The following CDYL variants were observed in gnomAD, a reference collection of about 807,000 sequenced individuals.
CDYL encodes chromodomain Y-like protein.
Under a neutral mutation model 47.3 loss-of-function variants are expected in CDYL, and 8 were observed. The observed-to-expected ratio is 0.17, with a 90% CI of 0.10 to 0.31. The LOEUF (loss-of-function observed/expected upper bound fraction) is 0.31, where lower values mean the gene tolerates loss of function less well. CDYL is among the 10% of genes least tolerant of loss of function. CDYL has a pLI of 1.00. For missense variants in CDYL, 471 were observed against 701.4 expected (o/e 0.67, Z 3.71); for synonymous variants, 266 against 265.0 (o/e 1.00, Z -0.04).
intron 3 of CDYL, among the ~76,000 whole-genome samples, chr6:4,739,338 C>A (rs560659053): frequency 1.1e-4 from 17 of 151,174 alleles, no homozygotes; most frequent in African/African-American, 4.1e-4. Context: ...GCTAACATGG[C>A]AAAACCCTGT....
At chr6:4,937,529 A>C (rs764081888) in intron 3 of CDYL, 36 bp from the exon 4 acceptor site, 67 of 1,491,620 alleles carry the variant, frequency 4.5e-5, no homozygotes, top group Non-Finnish European at 5.7e-5. Flanking sequence ...TAAACCCAAA[A>C]TATTCTTTGC....
chr6:4,857,381 C>T (rs1007946560), intron 1 of CDYL, among the ~76,000 whole-genome samples: 9 of 152,170 alleles, frequency 5.9e-5, no homozygotes, highest in Non-Finnish European at 1.2e-4. Flanking sequence ...GAGTAAACAT[C>T]GAATTTAAGG....
intron 2 of CDYL, among the ~76,000 whole-genome samples, chr6:4,919,576 A>C (rs2127507684): frequency 6.6e-6 from 1 of 152,310 alleles, no homozygotes; most frequent in East Asian, 1.9e-4. Context: ...CAGCTTTTGG[A>C]GCATTATTCA....
intron 2 of CDYL, among the ~76,000 whole-genome samples, chr6:4,893,389 G>A (rs1207025501): frequency 6.6e-6 from 1 of 152,146 alleles, no homozygotes; most frequent in Non-Finnish European, 1.5e-5. Flanking sequence ...CTTCTGAGTT[G>A]TAGTCTTAAA....
At chr6:4,829,435 G>A (rs1017089023) in intron 1 of CDYL, among the ~76,000 whole-genome samples, 2 of 152,168 alleles carry the variant, frequency 1.3e-5, no homozygotes, top group African/African-American at 4.8e-5. Flanking sequence ...ACTTCTCCTA[G>A]TTTTTGCATT....
At chr6:4,927,428 C>CGTGTGTGTATGT (rs1554108577) in intron 2 of CDYL, among the ~76,000 whole-genome samples, 6 of 142,458 alleles carry the variant, frequency 4.2e-5, no homozygotes, top group Non-Finnish European at 9.1e-5. Context: ...ATTTACTGTA[C>CGTGTGTGTATGT]GTGTGTGTGT....
chr6:4,712,891 G>C (rs547603616), intron 1 of CDYL, among the ~76,000 whole-genome samples: 1 of 152,198 alleles, frequency 6.6e-6, no homozygotes, highest in Non-Finnish European at 1.5e-5. Context: ...CTGTGGATGT[G>C]GCTCACCATT....
intron 2 of CDYL, among the ~76,000 whole-genome samples, chr6:4,725,394 G>A (rs556082874): frequency 3.8e-4 from 58 of 152,342 alleles, no homozygotes; most frequent in Non-Finnish European, 7.4e-4. Context: ...GCGCTCGTGG[G>A]GGAGGCTCCG....
At chr6:4,755,539 T>C (rs1758061899) in intron 3 of CDYL, among the ~76,000 whole-genome samples, 1 of 152,126 alleles carries the variant, frequency 6.6e-6, no homozygotes, top group Admixed American at 6.5e-5. Context: ...GAGTTCCAAC[T>C]TCTTAGATTA....
At chr6:4,779,009 C>T (rs1758542201) in intron 1 of CDYL, among the ~76,000 whole-genome samples, 1 of 152,174 alleles carries the variant, frequency 6.6e-6, no homozygotes, top group Admixed American at 6.5e-5. Flanking sequence ...ATGTAAAGCC[C>T]ACCCTAAAAT....
chr6:4,783,263 A>G (rs1484035623), intron 1 of CDYL, among the ~76,000 whole-genome samples: 3 of 131,326 alleles, frequency 2.3e-5, no homozygotes, highest in Non-Finnish European at 3.4e-5. Context: ...TTTTTTTTTT[A>G]ATTATTATTA....
chr6:4,812,433 G>A (rs935431733), intron 1 of CDYL, among the ~76,000 whole-genome samples: 1 of 152,224 alleles, frequency 6.6e-6, no homozygotes. Flanking sequence ...AAAGTAGCTG[G>A]ATAGAAGAGT....
intron 2 of CDYL, among the ~76,000 whole-genome samples, chr6:4,922,866 G>A (rs1049333990): frequency 6.6e-6 from 1 of 152,202 alleles, no homozygotes; most frequent in Non-Finnish European, 1.5e-5. Context: ...GGGTGCGTCT[G>A]ATCACACACC....
At chr6:4,887,547 C>G (rs1428972677) in intron 1 of CDYL, among the ~76,000 whole-genome samples, 6 of 152,006 alleles carry the variant, frequency 3.9e-5, no homozygotes, top group Admixed American at 2.0e-4. Flanking sequence ...TGCTTTGTCT[C>G]TTGCAATCTT....
At chr6:4,904,090 C>T (rs1013356788) in intron 2 of CDYL, among the ~76,000 whole-genome samples, 4 of 152,210 alleles carry the variant, frequency 2.6e-5, no homozygotes, top group African/African-American at 7.2e-5. Context: ...AGCCATGCCA[C>T]GCTGTCTGCA....
At chr6:4,931,436 C>A (rs1204838170) in intron 2 of CDYL, among the ~76,000 whole-genome samples, 3 of 152,222 alleles carry the variant, frequency 2.0e-5, no homozygotes, top group South Asian at 2.1e-4. Flanking sequence ...AAGAAACTGG[C>A]CATTTGAATT....
intron 1 of CDYL, among the ~76,000 whole-genome samples, chr6:4,710,459 T>C (rs1757131534): frequency 6.7e-6 from 1 of 148,424 alleles, no homozygotes; most frequent in Non-Finnish European, 1.5e-5. Context: ...GGAGAATGAG[T>C]CCAGCATCCT....
upstream of CDYL, chr6:4,773,045 G>A (rs560335185): frequency 6.8e-6 from 3 of 442,556 alleles, no homozygotes; most frequent in East Asian, 7.0e-5. The surrounding 1 kb of genome is among the most constrained non-coding windows in gnomAD (Gnocchi z 4.6). Context: ...TCATTCTCCC[G>A]AGATGGGAAG....
chr6:4,892,863 G>A (rs150572009), intron 2 of CDYL, among the ~76,000 whole-genome samples: 9 of 152,316 alleles, frequency 5.9e-5, no homozygotes, highest in East Asian at 5.8e-4. Flanking sequence ...AGCCGGGCTC[G>A]TTTCTCTGTT....
Sources: allele counts gnomAD v4.1 joint callset (sites outside exome capture counted in the v4.1 genomes callset), GRCh38; gene constraint gnomAD v4.1.1; non-coding constraint Gnocchi (gnomAD v3.1); transcripts MANE v1.5; gene names NCBI Gene and HGNC (gene_info 2026-07-23, HGNC 2026-07-21).